Variants in REV3L observed in about 807,000 individuals in gnomAD.
REV3L encodes the protein DNA polymerase zeta catalytic subunit.
A neutral mutation model predicts 299.4 loss-of-function variants in REV3L; 69 were observed. That is an observed-to-expected ratio of 0.23 (90% CI 0.19 to 0.28). REV3L has a LOEUF of 0.28. Among genes scored for constraint, REV3L ranks in the 10% least tolerant of loss-of-function variants. The pLI is 1.00. For missense variants in REV3L, 3,128 were observed against 3,693.8 expected (o/e 0.85, Z 3.97); for synonymous variants, 1,238 against 1,271.4 (o/e 0.97, Z 0.56).
intron 4 of REV3L, among the ~76,000 whole-genome samples, chr6:111,396,366 T>G (rs1248168860): frequency 6.6e-6 from 1 of 151,820 alleles, no homozygotes; most frequent in East Asian, 1.9e-4. Flanking sequence ...ATTTTTTTTT[T>G]TTTATGTTTT....
chr6:111,401,135 T>C (rs1189993774), intron 4 of REV3L, among the ~76,000 whole-genome samples: 5 of 152,184 alleles, frequency 3.3e-5, no homozygotes, highest in Non-Finnish European at 7.4e-5. Context: ...TTTTTGCCAA[T>C]ACCATGCTGT....
Position 111,374,455 on chromosome 6 carries a change from T to C in REV3L, c.3900A>G (p.Leu1300=), listed in dbSNP as rs1479214184. The C allele has an allele frequency of 6.2e-7, 1 of 1,614,040 alleles. No homozygotes were observed. Residue 1300 remains leucine, a synonymous_variant, in exon 13 of 32, where the codon TTA becomes TTG. Coordinates refer to ENST00000368802, the MANE Select transcript of REV3L (RefSeq NM_001372078.1). ...GCAAATCTACAGACTTCTTGCTTTC[T>C]AAGAAAGAAGAAAAGCAGCCAGATA... is the stretch of plus-strand genomic sequence containing the variant. ...QKLSGCFSSF[L]ESKKSVDLQT...
chr6:111,364,042 G>T, intron 15 of REV3L, 64 bp from the exon 16 acceptor site: 1 of 1,554,208 alleles, frequency 6.4e-7, no homozygotes, highest in South Asian at 1.2e-5. Flanking sequence ...TTTTTCTTTT[G>T]ATTACTTATT....
intron 9 of REV3L, among the ~76,000 whole-genome samples, chr6:111,386,639 A>G (rs1386022181): frequency 6.6e-6 from 1 of 151,212 alleles, no homozygotes; most frequent in East Asian, 1.9e-4. Flanking sequence ...AAACTGTTTC[A>G]TTTGTTACTA....
chr6:111,366,839 G>A (rs890172810), intron 14 of REV3L, among the ~76,000 whole-genome samples: 2 of 152,044 alleles, frequency 1.3e-5, no homozygotes, highest in East Asian at 1.9e-4. Context: ...GGGAGACCTG[G>A]GTATGTATAA....
chr6:111,404,978 C>T (rs1231697440), intron 4 of REV3L, among the ~76,000 whole-genome samples: 17 of 152,148 alleles, frequency 1.1e-4, no homozygotes, highest in Non-Finnish European at 1.9e-4. Flanking sequence ...CGTCCACTAA[C>T]CTACAGCTAT....
chr6:111,416,388 T>C lies in REV3L; in HGVS notation c.224A>G (p.Tyr75Cys), dbSNP rs757031670. The change falls in exon 2 of 32, where the codon TAT (tyrosine) becomes TGT (cysteine). Residue 75 changes from tyrosine to cysteine, a missense_variant. By Grantham distance (194) the Tyr-to-Cys change is radical. Transcript: ENST00000368802. ...YDGYGQQPES[Y>C]LSQMAFSIDR... ...GATACTGAATGCCATCTGAGAAAGATAGCTTTCTGGCTGCTGTCCATAACC... is the reference window on the plus strand; with the variant it reads ...GATACTGAATGCCATCTGAGAAAGACAGCTTTCTGGCTGCTGTCCATAACC... The C allele has an allele frequency of 2.6e-5, 42 of 1,613,788 alleles. No individual in the cohort carries two copies. In the Admixed American group the frequency reaches 3.5e-4, roughly 13 times the overall value.
chr6:111,453,881 G>A (rs1417591044), intron 1 of REV3L, among the ~76,000 whole-genome samples: 1 of 152,140 alleles, frequency 6.6e-6, no homozygotes. Context: ...AGCTACCTGG[G>A]AGGCTGAGGC....
intron 1 of REV3L, among the ~76,000 whole-genome samples, chr6:111,443,398 G>A (rs891937967): frequency 1.1e-4 from 17 of 151,980 alleles, no homozygotes; most frequent in African/African-American, 2.9e-4. Flanking sequence ...CACCGCGCCC[G>A]GCCATATCTA....
At chr6:111,430,991 G>C (rs1306327058) in intron 1 of REV3L, 4 of 1,572,026 alleles carry the variant, frequency 2.5e-6, no homozygotes, top group Non-Finnish European at 3.5e-6. Context: ...GGGGTTCAAA[G>C]AGGACAAAAG....
At chr6:111,301,031 A>G (rs1439131430) in intron 31 of REV3L, among the ~76,000 whole-genome samples, 1 of 152,186 alleles carries the variant, frequency 6.6e-6, no homozygotes, top group Non-Finnish European at 1.5e-5. Flanking sequence ...TTCTTTTCTC[A>G]GCAAGGAATA....
rs759557757 is a variant in REV3L, at chr6:111,309,982, T to A, written c.8913A>T (p.Glu2971Asp). The change falls in exon 30 of 32, where the codon GAA (glutamate) becomes GAT (aspartate). Residue 2971 changes from glutamate (E) to aspartate (D), a missense_variant. Glu to Asp is a conservative substitution (Grantham distance 45, BLOSUM62 2). Around this residue, in one of 9 missense-constraint regions of REV3L, gnomAD observed 294 missense variants for 377.0 expected, o/e 0.78. Coordinates refer to ENST00000368802, the MANE Select transcript of REV3L (RefSeq NM_001372078.1). ...PLIQLVRRPV[E>D]VLQDPTLRLN... ...GTCTCAGAGTTGGGTCCTGCAGGAC[T>A]TCCACTGGGCGCCTTACAAGCTGGA... The A allele has an allele frequency of 1.2e-6, 2 of 1,613,848 alleles. No individual in the cohort carries two copies. The highest frequency in any genetic ancestry group is 1.7e-5 in the Admixed American group (1 of 59,976).
intron 3 of REV3L, 91 bp from the exon 4 acceptor site, chr6:111,405,721 C>T (rs1783550051): frequency 1.4e-6 from 1 of 738,080 alleles, no homozygotes; most frequent in African/African-American, 1.9e-5. Context: ...GAACAAAGCA[C>T]TTATTAGCAC....
At chr6:111,430,171 C>A in intron 1 of REV3L, 1 of 792,212 alleles carries the variant, frequency 1.3e-6, no homozygotes, top group Non-Finnish European at 2.3e-6. Context: ...TTAGACTTGC[C>A]CGGTGAGAAG....
At position 111,375,711 on chromosome 6, in the gene REV3L, G is replaced by A. The variant is rs748014293; in HGVS notation, c.2644C>T (p.Arg882Cys). 9.9e-6 allele frequency: 16 copies of A among 1,613,826 alleles called. No homozygotes were observed. Among genetic ancestry groups the A allele is most frequent in the South Asian group, 2.2e-5 (2 of 91,060 alleles). The change falls in exon 13 of 32, where the codon CGT becomes TGT. Residue 882 changes from arginine (R) to cysteine (C), a missense_variant. Physicochemically the swap from Arg to Cys is radical, Grantham distance 180. This residue lies in a region of REV3L where 2,409 missense variants were observed against 2,611.8 expected (regional missense o/e 0.92). Coordinates refer to ENST00000368802, the MANE Select transcript of REV3L (RefSeq NM_001372078.1). ...ALASDLTKTT[R>C]GAFENKTPTD... ...GGTGTTTTATTTTCAAAAGCTCCACGAGTGGTTTTAGTTAAATCACTAGCC... is the reference window on the plus strand; with the variant it reads ...GGTGTTTTATTTTCAAAAGCTCCACAAGTGGTTTTAGTTAAATCACTAGCC...
intron 12 of REV3L, among the ~76,000 whole-genome samples, chr6:111,376,964 T>C (rs1442321225): frequency 1.3e-5 from 2 of 152,206 alleles, no homozygotes; most frequent in Admixed American, 6.5e-5. Context: ...TAAACAAATA[T>C]TCCATTGATC....
At chr6:111,431,745 A>G in intron 1 of REV3L, 1 of 820,476 alleles carries the variant, frequency 1.2e-6, no homozygotes, top group East Asian at 2.5e-5. Flanking sequence ...AAGAACCTAA[A>G]AAGACGAATG....
chr6:111,304,295 CTTAAG>C (rs756461439), intron 31 of REV3L, among the ~76,000 whole-genome samples: 13 of 145,474 alleles, frequency 8.9e-5, no homozygotes, highest in Non-Finnish European at 2.0e-4. Flanking sequence ...TCTAGAAACA[CTTAAG>C]AAGTACATTT....
chr6:111,353,328 G>A (rs903312183), intron 18 of REV3L, among the ~76,000 whole-genome samples: 9 of 152,030 alleles, frequency 5.9e-5, no homozygotes, highest in African/African-American at 1.9e-4. Flanking sequence ...AATGGCTTTC[G>A]TTTTTACCTA....
Sources: gnomAD v4.1 joint callset for allele counts (sites outside exome capture counted in the v4.1 genomes callset) on GRCh38, gnomAD v4.1.1 for gene constraint, gnomAD v4.1.1 regional missense constraint, MANE v1.5 for transcripts, NCBI Gene and HGNC (gene_info 2026-07-23, HGNC 2026-07-21) for gene names.